Variants in FBLN7 observed in about 807,000 individuals in gnomAD.
FBLN7 encodes the protein fibulin 7, also known as fibulin-7.
FBLN7 carries 31 observed loss-of-function variants against 44.0 expected under a neutral mutation model. The observed-to-expected ratio is 0.70, with a 90% CI of 0.53 to 0.95. The LOEUF (loss-of-function observed/expected upper bound fraction) is 0.95. FBLN7 is among the 40% of genes least tolerant of loss of function. The pLI is 0.00. For missense variants in FBLN7, 573 were observed against 618.5 expected, an observed-to-expected ratio of 0.93 and a Z score of 0.78; for synonymous variants, 262 against 253.4, an observed-to-expected ratio of 1.03 and a Z score of -0.32.
rs1261572606 is a variant in FBLN7, at chr2:112,159,848, G to T, written c.235+13G>T. On this transcript the variant is annotated intron_variant, in intron 2 of 7. Coordinates refer to ENST00000331203, the MANE Select transcript of FBLN7 (RefSeq NM_153214.3). Reference sequence around the variant, plus strand: ...GATGCCCTTCCAGGTGGGTCCCCACGTCGGCACCGCTGGGGCGGCAGCGCA... The same window carrying T: ...GATGCCCTTCCAGGTGGGTCCCCACTTCGGCACCGCTGGGGCGGCAGCGCA... The T allele has an allele frequency of 2.9e-5, 44 of 1,518,126 alleles. No individual in the cohort carries two copies. Among genetic ancestry groups the T allele is most frequent in the Non-Finnish European group, 3.7e-5 (42 of 1,133,988 alleles). 94.0% of individuals were successfully genotyped at this position (1,518,126 alleles called of 1,614,324 possible). A position where few individuals can be genotyped will look rare whatever the true frequency, so the allele number is the denominator to read the frequency against.
chr2:112,181,873 C>T lies in FBLN7; in HGVS notation c.667C>T (p.Gln223Ter). 1 of 1,533,230 alleles carries T rather than the reference C, an allele frequency of 6.5e-7. No individual in the cohort carries two copies. The highest frequency in any genetic ancestry group is 8.7e-7 in the Non-Finnish European group (1 of 1,145,442). 95.0% of individuals were successfully genotyped at this position (1,533,230 alleles called of 1,614,324 possible). The part of the protein sequence containing the change: ...LSGAAGDSVC[Q>*]DVNECELYGQ... ...CGGCGCCGCCGGCGACAGCGTCTGC[C>T]AGGGTAGGCGCGGGCTCCGCCAGGA... Residue 223 changes from glutamine (Q) to a stop codon, truncating the protein, a stop_gained, in exon 5 of 8, where the codon CAG becomes TAG. Transcript: ENST00000331203. LOFTEE classifies it high-confidence loss of function.
At position 112,182,852 on chromosome 2, in the gene FBLN7, C is replaced by A; in HGVS notation, c.732C>A (p.Cys244Ter). The A allele has an allele frequency of 6.2e-7, 1 of 1,612,854 alleles. No individual in the cohort carries two copies. The highest frequency in any genetic ancestry group is 8.5e-7 in the Non-Finnish European group (1 of 1,179,762). The stretch of plus-strand genomic sequence containing the variant: ...GCCCCCGGCTCTGCATGCACGCCTG[C>A]GTGAACACCCCGGGCTCTTACCGTT... Reference protein sequence around the residue: ...EGRPRLCMHACVNTPGSYRCT... With the variant: ...EGRPRLCMHA Residue 244 changes from cysteine to a stop codon, truncating the protein, a stop_gained, in exon 6 of 8, where the codon TGC (cysteine) becomes TGA (stop). Coordinates refer to ENST00000331203, the MANE Select transcript of FBLN7 (RefSeq NM_153214.3). LOFTEE classifies it high-confidence loss of function.
the FBLN7 span, among the ~76,000 whole-genome samples, chr2:112,218,171 T>C: frequency 6.6e-6 from 1 of 152,240 alleles, no homozygotes; most frequent in Non-Finnish European, 1.5e-5. Context: ...GTACTTCATC[T>C]ATCTTCCCAT....
At chr2:112,192,533 T>A (rs181467949), downstream of FBLN7, among the ~76,000 whole-genome samples, 11 of 152,248 alleles carry the variant, frequency 7.2e-5, 1 homozygote, top group African/African-American at 1.7e-4. Context: ...TTAGCTAGGA[T>A]TCTGGATGGG....
intron 1 of FBLN7, among the ~76,000 whole-genome samples, chr2:112,146,909 C>T (rs1234539337): frequency 6.6e-6 from 1 of 152,176 alleles, no homozygotes; most frequent in Non-Finnish European, 1.5e-5. Flanking sequence ...GTTTTTTCAA[C>T]ATTGAGTATG....
intron 6 of FBLN7, among the ~76,000 whole-genome samples, chr2:112,184,273 G>A (rs374316635): frequency 3.3e-5 from 5 of 152,182 alleles, no homozygotes; most frequent in South Asian, 4.1e-4. Flanking sequence ...AAGGGAGAAC[G>A]GGAGAAGAGA....
chr2:112,169,075 A>G (rs879938770), intron 3 of FBLN7, among the ~76,000 whole-genome samples: 3 of 152,238 alleles, frequency 2.0e-5, no homozygotes, highest in Non-Finnish European at 2.9e-5. Context: ...GTTCAAGACC[A>G]GCCTGGCCAA....
chr2:112,238,523 TCTAAA>T, the FBLN7 span: 2 of 1,596,378 alleles, frequency 1.3e-6, no homozygotes, highest in Non-Finnish European at 1.7e-6. Flanking sequence ...TTGCAGAGTG[TCTAAA>T]CTAAGTAAAA....
chr2:112,223,033 C>G, the FBLN7 span, among the ~76,000 whole-genome samples: 4 of 151,842 alleles, frequency 2.6e-5, no homozygotes, highest in South Asian at 2.1e-4. Context: ...ACTGCATGTT[C>G]TCACTCATAG....
the FBLN7 span, among the ~76,000 whole-genome samples, chr2:112,208,098 C>A: frequency 1.1e-4 from 17 of 152,212 alleles, no homozygotes; most frequent in African/African-American, 3.9e-4. Flanking sequence ...ACTTTATTTA[C>A]AAAAACACAT....
chr2:112,192,851 G>A (rs189189822), downstream of FBLN7, among the ~76,000 whole-genome samples: 11 of 152,296 alleles, frequency 7.2e-5, no homozygotes, highest in South Asian at 2.1e-4. Context: ...TGTCTAGTGC[G>A]TTCCAGGCAC....
At chr2:112,171,725 C>T (rs1197314684) in intron 3 of FBLN7, among the ~76,000 whole-genome samples, 1 of 152,136 alleles carries the variant, frequency 6.6e-6, no homozygotes. Context: ...AGCAATTTTT[C>T]ATTACCTCTT....
chr2:112,219,730 G>A, the FBLN7 span, among the ~76,000 whole-genome samples: 1 of 152,038 alleles, frequency 6.6e-6, no homozygotes, highest in Non-Finnish European at 1.5e-5. Context: ...GTGCAGATGA[G>A]CAGAATGTAC....
At position 112,187,926 on chromosome 2, in the gene FBLN7, G is replaced by T; in HGVS notation, c.*420G>T. The T allele has an allele frequency of 4.2e-6, 1 of 236,874 alleles. No individual in the cohort carries two copies. The highest frequency in any genetic ancestry group is 1.0e-4 in the South Asian group (1 of 9,692). The allele number at this position is 236,874 out of a possible 1,614,324, so 14.7% of individuals were successfully genotyped here. A position where few individuals can be genotyped will look rare whatever the true frequency, so the allele number is the denominator to read the frequency against. On this transcript the variant is annotated 3_prime_UTR_variant, in exon 8 of 8. Transcript: ENST00000331203. This position sits in a 1 kb window ranked among gnomAD's most constrained non-coding sequence, Gnocchi z 5.1. ...TGCTATGAATGAAACGGTTCTAGTC[G>T]TGCGGGGGGCCCTAGTCATGCCTCT...
the FBLN7 span, among the ~76,000 whole-genome samples, chr2:112,202,632 G>A: frequency 6.6e-6 from 1 of 152,036 alleles, no homozygotes; most frequent in African/African-American, 2.4e-5. Flanking sequence ...TTAACTGAAG[G>A]CTAGCAACAA....
chr2:112,222,486 T>C, the FBLN7 span, among the ~76,000 whole-genome samples: 2 of 152,290 alleles, frequency 1.3e-5, no homozygotes, highest in South Asian at 4.1e-4. Flanking sequence ...TGGTACAATA[T>C]GGATGAATCT....
chr2:112,142,464 C>G (rs572530916), intron 1 of FBLN7, among the ~76,000 whole-genome samples: 1 of 152,298 alleles, frequency 6.6e-6, no homozygotes, highest in Non-Finnish European at 1.5e-5. Flanking sequence ...CCTGGGACTC[C>G]TGAACCCACC....
At chr2:112,176,634 G>GC (rs1390243394) in intron 4 of FBLN7, 1 of 152,210 alleles carries the variant, frequency 6.6e-6, no homozygotes, top group East Asian at 1.9e-4. Flanking sequence ...TTTAAATAGT[G>GC]CCCCAAGAGA....
chr2:112,185,528 G>C (rs898470636), intron 7 of FBLN7, among the ~76,000 whole-genome samples, 189 bp downstream of exon 7: 29 of 152,166 alleles, frequency 1.9e-4, no homozygotes, highest in African/African-American at 6.8e-4. Context: ...TGCTGCTCTG[G>C]AGAAATAAGA....
Sources: gnomAD v4.1 joint callset for allele counts (sites outside exome capture counted in the v4.1 genomes callset) on GRCh38, gnomAD v4.1.1 for gene constraint, Gnocchi (gnomAD v3.1) non-coding constraint, MANE v1.5 for transcripts, NCBI Gene and HGNC (gene_info 2026-07-23, HGNC 2026-07-21) for gene names.